Variants in MEI4 observed in about 807,000 individuals in gnomAD.
The protein encoded by MEI4 is meiotic double-stranded break formation protein 4, also known as meiosis-specific protein MEI4.
In MEI4, 27 loss-of-function variants were observed where a neutral mutation model predicts 31.4. The ratio of observed to expected loss-of-function variants is 0.86; its 90% confidence interval spans 0.63 to 1.19. The LOEUF is 1.19. Ranked by LOEUF, MEI4 falls within the 50% of genes most tolerant of loss-of-function variation. The pLI, the probability that MEI4 is intolerant of heterozygous loss-of-function variation, is 0.00. For missense variants in MEI4, 329 were observed against 398.9 expected, an observed-to-expected ratio of 0.82 and a Z score of 1.49; for synonymous variants, 122 against 145.4, an observed-to-expected ratio of 0.84 and a Z score of 1.16.
At chr6:77,816,255 G>T (rs532996237) in intron 3 of MEI4, among the ~76,000 whole-genome samples, 61 of 152,086 alleles carry the variant, frequency 4.0e-4, no homozygotes, top group Non-Finnish European at 7.4e-4. Context: ...ATTATGATTT[G>T]CTATTTAAAA....
chr6:77,694,527 C>A (rs1765964201), intron 2 of MEI4, among the ~76,000 whole-genome samples: 1 of 151,418 alleles, frequency 6.6e-6, no homozygotes, highest in Non-Finnish European at 1.5e-5. Flanking sequence ...GTTTTTTGTC[C>A]TTGTGATAGT....
intron 3 of MEI4, among the ~76,000 whole-genome samples, chr6:77,792,147 G>A (rs1324863868): frequency 6.6e-6 from 1 of 152,096 alleles, no homozygotes; most frequent in Non-Finnish European, 1.5e-5. Context: ...AGGATGAATA[G>A]TATTCCATTG....
At chr6:77,791,678 T>TA (rs60957084) in intron 3 of MEI4, among the ~76,000 whole-genome samples, 19,174 of 133,590 alleles carry the variant, frequency 0.14, 1,201 homozygotes, top group Middle Eastern at 0.16. Flanking sequence ...ACTTAAAGTA[T>TA]AAAAAAAAAA....
At chr6:77,853,163 A>T (rs1026844341) in intron 4 of MEI4, among the ~76,000 whole-genome samples, 2 of 152,104 alleles carry the variant, frequency 1.3e-5, no homozygotes, top group African/African-American at 4.8e-5. Context: ...GCCCTATTGC[A>T]CTCCAGCCCT....
intron 2 of MEI4, among the ~76,000 whole-genome samples, chr6:77,746,266 A>C (rs1163272755): frequency 6.6e-6 from 1 of 152,114 alleles, no homozygotes; most frequent in East Asian, 1.9e-4. Flanking sequence ...TCAAATAGAC[A>C]CATTCTGTGT....
chr6:77,792,774 G>A lies in MEI4; in HGVS notation c.768+31109G>A, dbSNP rs571512992. 2.1e-4 allele frequency among the ~76,000 whole-genome samples: 32 copies of A among 151,328 alleles called. No homozygotes were observed. In the South Asian group the frequency reaches 2.5e-3, roughly 12 times the overall value. ...ATTGCACAGGCTGGAGTGCAGTGGC[G>A]TGATCTCAGCTCACTGCAAGCTCCA... is the stretch of plus-strand genomic sequence containing the variant. On this transcript the variant is annotated intron_variant, in intron 3 of 4. Coordinates refer to ENST00000684080, the MANE Select transcript of MEI4 (RefSeq NM_001322247.2).
intron 1 of MEI4, among the ~76,000 whole-genome samples, chr6:77,682,672 T>TATTC (rs1431059777): frequency 1.3e-5 from 2 of 152,316 alleles, no homozygotes; most frequent in Non-Finnish European, 1.5e-5. Context: ...TATATTGATG[T>TATTC]ATTCATTCAT....
chr6:77,909,606 C>A (rs1766383956), intron 4 of MEI4, among the ~76,000 whole-genome samples: 1 of 152,130 alleles, frequency 6.6e-6, no homozygotes, highest in South Asian at 2.1e-4. Context: ...CAGATGGATT[C>A]ACAGCCAAAT....
At chr6:77,842,528 G>C (rs976742852) in intron 4 of MEI4, among the ~76,000 whole-genome samples, 1 of 152,166 alleles carries the variant, frequency 6.6e-6, no homozygotes, top group Non-Finnish European at 1.5e-5. Context: ...AGAAAATAAT[G>C]AATATAAGAG....
At chr6:77,910,943 GTCT>G (rs1766421246) in intron 4 of MEI4, among the ~76,000 whole-genome samples, 1 of 46,564 alleles carries the variant, frequency 2.1e-5, no homozygotes, top group Admixed American at 1.9e-4. Flanking sequence ...TTTTTTTTTT[GTCT>G]TCTTAATCAT....
intron 2 of MEI4, among the ~76,000 whole-genome samples, chr6:77,735,595 C>A (rs12390647): frequency 6.6e-6 from 1 of 151,996 alleles, no homozygotes; most frequent in Non-Finnish European, 1.5e-5. Flanking sequence ...TCCCGTAGCT[C>A]GGAGTAATTT....
At chr6:77,848,359 C>T (rs1562010900) in intron 4 of MEI4, among the ~76,000 whole-genome samples, 2 of 152,064 alleles carry the variant, frequency 1.3e-5, no homozygotes, top group African/African-American at 4.8e-5. Flanking sequence ...AGTTCTTCCA[C>T]AGGGCAAGGG....
intron 3 of MEI4, among the ~76,000 whole-genome samples, chr6:77,786,514 T>A (rs545442059): frequency 5.9e-5 from 9 of 152,154 alleles, no homozygotes; most frequent in Non-Finnish European, 1.2e-4. Context: ...TACAAGGATG[T>A]CAAACATTAT....
At chr6:77,798,737 G>A (rs1183687782) in intron 3 of MEI4, among the ~76,000 whole-genome samples, 1 of 147,422 alleles carries the variant, frequency 6.8e-6, no homozygotes, top group Non-Finnish European at 1.5e-5. Context: ...GTGAGAATAT[G>A]CGGTGTTTGG....
At chr6:77,805,455 T>A (rs1476080247) in intron 3 of MEI4, among the ~76,000 whole-genome samples, 2 of 152,158 alleles carry the variant, frequency 1.3e-5, no homozygotes, top group African/African-American at 4.8e-5. Context: ...TAAGATCAAC[T>A]TAAGAAAACT....
rs141461198 is a variant in MEI4, at chr6:77,905,168, CGGTT to C, written c.901-17918_901-17915del. ...ACCGCTTTGCCAGATAAATTAGTCT[CGGTT>C]GGCAGTTTGCTGTTGTTGTTGTTTT... On this transcript the variant is annotated intron_variant, in intron 4 of 4. Transcript: ENST00000684080. 6.0e-3 allele frequency among the ~76,000 whole-genome samples: 917 copies of C among 152,072 alleles called. 7 individuals carry two copies. Among genetic ancestry groups the C allele is most frequent in the African/African-American group, 0.02 (832 of 41,470 alleles).
chr6:77,804,404 G>A (rs747033286), intron 3 of MEI4, among the ~76,000 whole-genome samples: 3 of 152,136 alleles, frequency 2.0e-5, no homozygotes, highest in Non-Finnish European at 2.9e-5. Context: ...GCACTTCTTG[G>A]GTGAGGCAAT....
At chr6:77,762,300 G>T (rs1768063179) in intron 3 of MEI4, among the ~76,000 whole-genome samples, 2 of 152,152 alleles carry the variant, frequency 1.3e-5, no homozygotes, top group African/African-American at 4.8e-5. Flanking sequence ...GGCTTAGAAA[G>T]ATTTACTCAG....
At chr6:77,655,993 C>A (rs1171118277) in intron 1 of MEI4, among the ~76,000 whole-genome samples, 7 of 152,064 alleles carry the variant, frequency 4.6e-5, no homozygotes, top group Admixed American at 3.9e-4. Context: ...TAATGAAAGT[C>A]CAATTTACTT....
Sources: allele counts gnomAD v4.1 joint callset (sites outside exome capture counted in the v4.1 genomes callset), GRCh38; gene constraint gnomAD v4.1.1; transcripts MANE v1.5; gene names NCBI Gene and HGNC (gene_info 2026-07-23, HGNC 2026-07-21).